CD53: variants seen among roughly 807,000 people sequenced by gnomAD.
The protein encoded by CD53 is leukocyte surface antigen CD53.
A neutral mutation model predicts 27.3 loss-of-function variants in CD53; 20 were observed. The ratio of observed to expected loss-of-function variants is 0.73; its 90% CI spans 0.52 to 1.07. CD53 has a LOEUF of 1.07. CD53 is among the 50% of genes least tolerant of loss of function. The pLI is 0.00. For missense variants in CD53, 216 were observed against 264.0 expected (o/e 0.82, Z 1.26); for synonymous variants, 106 against 105.3 (o/e 1.01, Z -0.04).
At chr1:110,871,691 A>G (rs1054591385), upstream of CD53, among the ~76,000 whole-genome samples, 1 of 152,144 alleles carries the variant, frequency 6.6e-6, no homozygotes, top group Non-Finnish European at 1.5e-5. Flanking sequence ...CCACCACTTC[A>G]GGGACCTGTA....
chr1:110,896,590 G>A (rs1657073346), intron 5 of CD53, 63 bp from the exon 6 acceptor site: 1 of 1,495,936 alleles, frequency 6.7e-7, no homozygotes, highest in African/African-American at 1.4e-5. Context: ...TTCCTCTAAG[G>A]TCCACAGCTT....
intron 1 of CD53, among the ~76,000 whole-genome samples, chr1:110,873,949 G>A (rs1048312618): frequency 6.6e-6 from 1 of 152,174 alleles, no homozygotes; most frequent in South Asian, 2.1e-4. Context: ...TGAAATGCAC[G>A]TATAAAATGC....
chr1:110,878,204 A>G lies in CD53; in HGVS notation c.-18+4956A>G, dbSNP rs532287632. 3.9e-5 allele frequency among the ~76,000 whole-genome samples: 6 copies of G among 152,308 alleles called. No homozygotes were observed. The East Asian group carries it at 1.2e-3, about 29-fold the overall frequency. On this transcript the variant is annotated intron_variant, in intron 1 of 7. Coordinates refer to ENST00000271324, the MANE Select transcript of CD53 (RefSeq NM_000560.4). ...ATGAGGAACTTAGTTATTTTGTGGG[A>G]TTCAGTGAACTATCTATTATGTATC...
rs576899107 is a variant in CD53, at chr1:110,877,312, C to T, written c.-18+4064C>T. 2.6e-4 allele frequency among the ~76,000 whole-genome samples: 39 copies of T among 152,294 alleles called. 1 individual carries two copies. The highest frequency in any genetic ancestry group is 1.0e-3 in the South Asian group (5 of 4,830). ...TAGGAATACCAACAAAGTGGCTTTT[C>T]TTATCCCACAAAGAGTCTTGCTTAA... is the stretch of plus-strand genomic sequence containing the variant. On this transcript the variant is annotated intron_variant, in intron 1 of 7. Transcript: ENST00000271324.
chr1:110,878,811 T>C (rs1656226342), intron 1 of CD53, among the ~76,000 whole-genome samples: 1 of 152,210 alleles, frequency 6.6e-6, no homozygotes, highest in African/African-American at 2.4e-5. Context: ...CAGAGTTCAG[T>C]GGAGAAAGAA....
chr1:110,888,429 G>C (rs1570905868), intron 1 of CD53, among the ~76,000 whole-genome samples: 1 of 152,274 alleles, frequency 6.6e-6, no homozygotes, highest in East Asian at 1.9e-4. Flanking sequence ...GTGAATATAA[G>C]CTGAGGCAAT....
At chr1:110,890,952 A>C (rs1401917719) in intron 1 of CD53, among the ~76,000 whole-genome samples, 1 of 152,276 alleles carries the variant, frequency 6.6e-6, no homozygotes, top group East Asian at 1.9e-4. Flanking sequence ...TAGCATGTAC[A>C]TAAATCACAG....
In CD53 at chr1:110,875,181, A is replaced by G. The variant is rs189798733; in HGVS notation, c.-18+1933A>G. ...GGTGCTGTATATTCAAATTCAAAGA[A>G]GTGTGTACCTCCAGGCATGTTAGAA... On this transcript the variant is annotated intron_variant, in intron 1 of 7. Coordinates refer to ENST00000271324, the MANE Select transcript of CD53 (RefSeq NM_000560.4). Among the ~76,000 whole-genome samples, 368 of 152,328 alleles carry G rather than the reference A, an allele frequency of 2.4e-3. 1 individual carries two copies. The highest frequency in any genetic ancestry group is 8.5e-3 in the African/African-American group (354 of 41,586).
At chr1:110,877,914 A>G (rs978227718) in intron 1 of CD53, among the ~76,000 whole-genome samples, 4 of 152,232 alleles carry the variant, frequency 2.6e-5, no homozygotes, top group African/African-American at 9.7e-5. Flanking sequence ...CAGGAGTTCA[A>G]ACGAGCTGAT....
At position 110,877,899 on chromosome 1, in the gene CD53, G is replaced by C. The variant is rs116760153; in HGVS notation, c.-18+4651G>C. Among the ~76,000 whole-genome samples the C allele has an allele frequency of 5.4e-3, 817 of 152,298 alleles. 6 individuals are homozygous for C. Among genetic ancestry groups the C allele is most frequent in the African/African-American group, 0.019 (789 of 41,552 alleles). ...TAACTTTGATTGCACCTCAGCCACTGCTCACAGGAGTTCAAACGAGCTGAT... is the reference window on the plus strand; with the variant it reads ...TAACTTTGATTGCACCTCAGCCACTCCTCACAGGAGTTCAAACGAGCTGAT... On this transcript the variant is annotated intron_variant, in intron 1 of 7. Coordinates refer to ENST00000271324, the MANE Select transcript of CD53 (RefSeq NM_000560.4).
chr1:110,871,563 G>C (rs1462244263), upstream of CD53, among the ~76,000 whole-genome samples: 1 of 152,080 alleles, frequency 6.6e-6, no homozygotes, highest in Non-Finnish European at 1.5e-5. Context: ...TCAAAGGAGA[G>C]ATCATGGCAT....
intron 1 of CD53, among the ~76,000 whole-genome samples, chr1:110,876,669 T>C (rs1299714921): frequency 6.6e-6 from 1 of 152,064 alleles, no homozygotes; most frequent in African/African-American, 2.4e-5. Flanking sequence ...TTTAGTCTTC[T>C]TAAAATAACT....
intron 1 of CD53, among the ~76,000 whole-genome samples, chr1:110,885,369 T>C (rs1282986083): frequency 1.3e-5 from 2 of 151,984 alleles, no homozygotes; most frequent in African/African-American, 4.8e-5. Context: ...AAACCCCGTC[T>C]CTATTAAAAA....
intron 1 of CD53, among the ~76,000 whole-genome samples, chr1:110,884,023 GCTTAT>G (rs751925698): frequency 9.2e-5 from 14 of 151,836 alleles, no homozygotes; most frequent in Non-Finnish European, 1.6e-4. Flanking sequence ...TGATTTCAGT[GCTTAT>G]CTTCATTATC....
upstream of CD53, among the ~76,000 whole-genome samples, chr1:110,872,810 C>T (rs1656004509): frequency 6.6e-6 from 1 of 152,164 alleles, no homozygotes; most frequent in Non-Finnish European, 1.5e-5. Flanking sequence ...TGGGGCCAGG[C>T]ATACTTCTTT....
At position 110,895,477 on chromosome 1, in the gene CD53, C is replaced by T. The variant is rs1013188514; in HGVS notation, c.423+422C>T. ...CTCATGTGCTGTTTCCACCCACAAA[C>T]GTGTATATGTACAGCATATACAAGC... On this transcript the variant is annotated intron_variant, in intron 5 of 7. Transcript: ENST00000271324. Among the ~76,000 whole-genome samples the T allele has an allele frequency of 3.9e-5, 6 of 152,162 alleles. No homozygotes were observed. The East Asian group carries it at 5.8e-4, about 15-fold the overall frequency.
Position 110,897,877 on chromosome 1 carries a change from T to C in CD53, c.573T>C (p.Cys191=), listed in dbSNP as rs751836308. 6.2e-7 allele frequency: 1 copy of C among 1,605,946 alleles called. No individual in the cohort carries two copies. Among genetic ancestry groups the C allele is most frequent in the Non-Finnish European group, 8.5e-7 (1 of 1,173,402 alleles). Residue 191 remains cysteine (C), a synonymous_variant, in exon 7 of 8, where the codon TGT becomes TGC. Coordinates refer to ENST00000271324, the MANE Select transcript of CD53 (RefSeq NM_000560.4). Reference sequence around the variant, plus strand: ...TGTATATCGGAATCATCACCATCTGTGTATGTGTGATTGAGGTAAGAGCTT... The same window carrying C: ...TGTATATCGGAATCATCACCATCTGCGTATGTGTGATTGAGGTAAGAGCTT... ...NFLYIGIITI[C]VCVIEVLGMS...
chr1:110,879,522 C>T (rs1260723706), intron 1 of CD53, among the ~76,000 whole-genome samples: 1 of 95,458 alleles, frequency 1.0e-5, no homozygotes, highest in African/African-American at 2.8e-5. Flanking sequence ...CTTAGAGACT[C>T]ACAGTGCACA....
chr1:110,891,585 T>C, intron 2 of CD53, 114 bp downstream of exon 2: 1 of 781,576 alleles, frequency 1.3e-6, no homozygotes, highest in Admixed American at 2.0e-5. Context: ...TTGGGTCATG[T>C]CCAGCACAAC....
Sources: allele counts gnomAD v4.1 joint callset (sites outside exome capture counted in the v4.1 genomes callset), GRCh38; gene constraint gnomAD v4.1.1; transcripts MANE v1.5; gene names NCBI Gene and HGNC (gene_info 2026-07-23, HGNC 2026-07-21).